Variants in CSMD1 observed in about 807,000 individuals in gnomAD.
The protein encoded by CSMD1 is CUB and sushi domain-containing protein 1.
CSMD1 carries 213 observed loss-of-function variants against 417.5 expected under a neutral mutation model. The observed-to-expected ratio is 0.51, with a 90% CI of 0.46 to 0.57. The LOEUF is 0.57. CSMD1 is among the 20% of genes least tolerant of loss of function. CSMD1 has a pLI of 0.00. For missense variants in CSMD1, 6,923 were observed against 4,529.7 expected (o/e 1.53, Z -15.17); for synonymous variants, 2,862 against 1,736.8 (o/e 1.65, Z -16.11).
intron 5 of CSMD1, among the ~76,000 whole-genome samples, chr8:3,825,859 T>A (rs948510445): frequency 6.6e-6 from 1 of 152,164 alleles, no homozygotes; most frequent in Non-Finnish European, 1.5e-5. Flanking sequence ...TAGAGACGCA[T>A]TGTACACTAG....
At chr8:4,672,143 A>T (rs1585427124) in intron 1 of CSMD1, among the ~76,000 whole-genome samples, 1 of 152,326 alleles carries the variant, frequency 6.6e-6, no homozygotes, top group Non-Finnish European at 1.5e-5. Flanking sequence ...TGAGGCTCTC[A>T]CACAGTGAAA....
intron 3 of CSMD1, among the ~76,000 whole-genome samples, chr8:4,354,248 T>A (rs527917834): frequency 6.8e-6 from 1 of 147,770 alleles, no homozygotes; most frequent in Non-Finnish European, 1.5e-5. Context: ...ACCAACAACA[T>A]TGTAGATCAC....
chr8:3,934,246 T>G (rs1256208312), intron 5 of CSMD1, among the ~76,000 whole-genome samples: 1 of 152,196 alleles, frequency 6.6e-6, no homozygotes, highest in Non-Finnish European at 1.5e-5. Context: ...ATGAACTTGC[T>G]CAGAATAATC....
In CSMD1 at chr8:4,918,397, C is replaced by A. The variant is rs554950704; in HGVS notation, c.85+75935G>T. 2.0e-5 allele frequency among the ~76,000 whole-genome samples: 3 copies of A among 152,314 alleles called. No homozygotes were observed. The East Asian group carries it at 5.8e-4, about 30-fold the overall frequency. ...GTGTTCCTCCCAGATTCAGACCTTT[C>A]TGCCGATTCTTGCACAATATCCTCC... On this transcript the variant is annotated intron_variant, in intron 1 of 69. Transcript: ENST00000635120.
At chr8:4,604,429 G>C (rs1800764002) in intron 2 of CSMD1, among the ~76,000 whole-genome samples, 1 of 148,778 alleles carries the variant, frequency 6.7e-6, no homozygotes, top group African/African-American at 2.5e-5. Context: ...GTAAAGACTA[G>C]GATCTCCAGG....
At chr8:3,561,108 A>G (rs1474451243) in intron 10 of CSMD1, among the ~76,000 whole-genome samples, 3 of 152,244 alleles carry the variant, frequency 2.0e-5, no homozygotes, top group South Asian at 2.1e-4. Flanking sequence ...ACCTCACACC[A>G]GTCAGCATGG....
At chr8:3,933,449 G>A (rs1051919627) in intron 5 of CSMD1, among the ~76,000 whole-genome samples, 29 of 151,968 alleles carry the variant, frequency 1.9e-4, no homozygotes, top group Admixed American at 2.0e-4. Flanking sequence ...AGCATTTCCC[G>A]CCTACATCTT....
chr8:3,619,899 C>G (rs765332180), intron 7 of CSMD1, among the ~76,000 whole-genome samples: 1 of 152,072 alleles, frequency 6.6e-6, no homozygotes, highest in Non-Finnish European at 1.5e-5. Flanking sequence ...GTCAGGAATT[C>G]AAGACTGGCC....
chr8:4,356,657 A>G (rs10503256), intron 3 of CSMD1, among the ~76,000 whole-genome samples: 87,794 of 151,998 alleles, frequency 0.58, 26,397 homozygotes, highest in Admixed American at 0.7. Context: ...GGTAGTTCAC[A>G]TACACCTGTT....
intron 5 of CSMD1, among the ~76,000 whole-genome samples, chr8:3,769,719 A>G (rs568961706): frequency 2.6e-5 from 4 of 152,314 alleles, no homozygotes; most frequent in Non-Finnish European, 5.9e-5. Flanking sequence ...TTGAGTGAAC[A>G]TACCATTACT....
At chr8:4,904,274 G>A (rs1315408085) in intron 1 of CSMD1, among the ~76,000 whole-genome samples, 1 of 152,042 alleles carries the variant, frequency 6.6e-6, no homozygotes, top group Non-Finnish European at 1.5e-5. Flanking sequence ...TGGATTTTAG[G>A]AACAATGAAA....
chr8:4,356,302 T>C (rs986269859), intron 3 of CSMD1, among the ~76,000 whole-genome samples: 2 of 150,656 alleles, frequency 1.3e-5, no homozygotes, highest in South Asian at 2.1e-4. Context: ...TTCCTTATTA[T>C]GGCTAAGTAG....
intron 33 of CSMD1, among the ~76,000 whole-genome samples, chr8:3,195,820 TG>T (rs1796674869): frequency 6.6e-6 from 1 of 152,196 alleles, no homozygotes; most frequent in Non-Finnish European, 1.5e-5. Flanking sequence ...GCAAGAATTG[TG>T]TATCTCCCAC....
chr8:4,746,527 T>C (rs906803147), intron 1 of CSMD1, among the ~76,000 whole-genome samples: 1 of 152,192 alleles, frequency 6.6e-6, no homozygotes, highest in Non-Finnish European at 1.5e-5. Flanking sequence ...AAGGTCTGTT[T>C]TACATGATCA....
intron 3 of CSMD1, among the ~76,000 whole-genome samples, chr8:4,399,471 T>C (rs994999213): frequency 6.6e-6 from 1 of 152,212 alleles, no homozygotes; most frequent in African/African-American, 2.4e-5. Context: ...TTTACTGGCT[T>C]TTCCTCATGT....
At chr8:3,467,133 G>A (rs1198102305) in intron 12 of CSMD1, among the ~76,000 whole-genome samples, 2 of 152,170 alleles carry the variant, frequency 1.3e-5, no homozygotes, top group African/African-American at 2.4e-5. Flanking sequence ...TTAATGTGGT[G>A]TGGTCATTCA....
At chr8:3,734,807 C>T (rs187981888) in intron 6 of CSMD1, among the ~76,000 whole-genome samples, 1 of 152,172 alleles carries the variant, frequency 6.6e-6, no homozygotes, top group African/African-American at 2.4e-5. Context: ...TGCTGAGGCC[C>T]CGTGACGGGG....
chr8:4,484,861 T>C (rs1487056072), intron 2 of CSMD1, among the ~76,000 whole-genome samples: 1 of 151,360 alleles, frequency 6.6e-6, no homozygotes, highest in East Asian at 2.0e-4. Flanking sequence ...TAGTCCCAAC[T>C]ACTCGGGAGG....
intron 12 of CSMD1, among the ~76,000 whole-genome samples, chr8:3,441,756 G>T (rs1050568239): frequency 2.6e-5 from 4 of 152,044 alleles, no homozygotes; most frequent in Non-Finnish European, 2.9e-5. Context: ...GGTAACACTT[G>T]ATAATAATAA....
Sources: gnomAD v4.1 joint callset for allele counts (sites outside exome capture counted in the v4.1 genomes callset) on GRCh38, gnomAD v4.1.1 for gene constraint, MANE v1.5 for transcripts, NCBI Gene and HGNC (gene_info 2026-07-23, HGNC 2026-07-21) for gene names.